Variants in IL6ST observed in about 807,000 individuals in gnomAD.
IL6ST encodes the protein interleukin-6 receptor subunit beta.
In IL6ST, 24 loss-of-function variants were observed where a neutral mutation model predicts 91.3. The ratio of observed to expected loss-of-function variants is 0.26; its 90% confidence interval spans 0.19 to 0.37. IL6ST has a LOEUF of 0.37. Ranked by LOEUF, IL6ST falls within the 10% of genes least tolerant of loss-of-function variation. The pLI is 1.00. For missense variants in IL6ST, 914 were observed against 1,078.5 expected, an observed-to-expected ratio of 0.85 and a Z score of 2.14; for synonymous variants, 351 against 373.6, an observed-to-expected ratio of 0.94 and a Z score of 0.70.
At chr5:55,950,273 A>C (rs1751543353) in intron 14 of IL6ST, 1 of 452,084 alleles carries the variant, frequency 2.2e-6, no homozygotes, top group African/African-American at 2.0e-5. Context: ...GCGGTGGCTC[A>C]TGCCTGTAAT....
At chr5:55,950,403 A>G (rs1472994976) in intron 14 of IL6ST, among the ~76,000 whole-genome samples, 1 of 151,630 alleles carries the variant, frequency 6.6e-6, no homozygotes, top group Non-Finnish European at 1.5e-5. Context: ...CAGGCATGGT[A>G]GTGGGCACCT....
intron 11 of IL6ST, among the ~76,000 whole-genome samples, chr5:55,953,576 G>A (rs1230085792): frequency 3.3e-5 from 5 of 152,204 alleles, no homozygotes; most frequent in Non-Finnish European, 5.9e-5. Context: ...AGTAGAGACG[G>A]AGTTTATCCA....
At chr5:55,977,997 TAA>T (rs879640200) in intron 2 of IL6ST, among the ~76,000 whole-genome samples, 1 of 142,410 alleles carries the variant, frequency 7.0e-6, no homozygotes, top group Non-Finnish European at 1.5e-5. Context: ...AAATTCTATT[TAA>T]AAAAAAAAAA....
chr5:55,976,291 T>C lies in IL6ST; in HGVS notation c.-13A>G. The C allele has an allele frequency of 1.3e-6, 2 of 1,567,254 alleles. No homozygotes were observed. Among genetic ancestry groups the C allele is most frequent in the Non-Finnish European group, 1.7e-6 (2 of 1,152,612 alleles). On this transcript the variant is annotated splice_region_variant and 5_prime_UTR_variant, in exon 3 of 17. Coordinates refer to ENST00000381298, the MANE Select transcript of IL6ST (RefSeq NM_002184.4). ...GCAACGTCAACATCTTGCGCGGATA[T>C]TTCTGCAACAGACACATGTAATATT...
intron 8 of IL6ST, 113 bp from the exon 9 acceptor site, chr5:55,957,404 G>A (rs1373410563): frequency 1.9e-6 from 1 of 536,730 alleles, no homozygotes; most frequent in Non-Finnish European, 3.3e-6. Context: ...ATTGCATGGT[G>A]TCTCTACCTC....
chr5:55,960,592 C>G (rs777713361), intron 7 of IL6ST, 31 bp from the exon 8 acceptor site: 2 of 1,591,578 alleles, frequency 1.3e-6, no homozygotes, highest in South Asian at 1.1e-5. Flanking sequence ...CAACAGAAAA[C>G]CTCAATTAGT....
chr5:55,980,230 T>G (rs912971644), intron 2 of IL6ST, among the ~76,000 whole-genome samples: 1 of 152,180 alleles, frequency 6.6e-6, no homozygotes, highest in Non-Finnish European at 1.5e-5. Flanking sequence ...TTAGTACTTA[T>G]GCAAAAAATA....
At chr5:55,961,396 G>T (rs1394857132) in intron 7 of IL6ST, among the ~76,000 whole-genome samples, 1 of 152,174 alleles carries the variant, frequency 6.6e-6, no homozygotes, top group Non-Finnish European at 1.5e-5. Context: ...GGGATGAGGG[G>T]AAGTACCAGA....
At chr5:55,976,557 T>C (rs1399535555) in intron 2 of IL6ST, among the ~76,000 whole-genome samples, 2 of 152,322 alleles carry the variant, frequency 1.3e-5, no homozygotes, top group South Asian at 2.1e-4. Flanking sequence ...TGAAGTCTTA[T>C]ATTAGTAAAT....
intron 14 of IL6ST, chr5:55,950,197 A>G: frequency 2.0e-6 from 1 of 492,586 alleles, no homozygotes; most frequent in African/African-American, 1.9e-5. Context: ...AAGGAAAGAG[A>G]AGATGGCTAA....
chr5:55,970,000 AATT>A (rs1448916654), intron 3 of IL6ST, 145 bp from the exon 4 acceptor site: 9 of 534,184 alleles, frequency 1.7e-5, no homozygotes, highest in Non-Finnish European at 3.0e-5. Context: ...CACAACTGAA[AATT>A]AATATGGTTA....
At position 55,952,076 on chromosome 5, in the gene IL6ST, C is replaced by A; in HGVS notation, c.1553-1G>T. 1 of 1,609,346 alleles carries A rather than the reference C, an allele frequency of 6.2e-7. No homozygotes were observed. Among genetic ancestry groups the A allele is most frequent in the Non-Finnish European group, 8.5e-7 (1 of 1,178,744 alleles). On this transcript the variant is annotated splice_acceptor_variant, in intron 12 of 16. Coordinates refer to ENST00000381298, the MANE Select transcript of IL6ST (RefSeq NM_002184.4). LOFTEE classifies it high-confidence loss of function. ...CGAACAGTAGGTCCTTTGGAAGGTG[C>A]TGTAACAGAGTGAACACATTTGCTA...
At chr5:55,961,031 C>G (rs1023716257) in intron 7 of IL6ST, among the ~76,000 whole-genome samples, 9 of 152,324 alleles carry the variant, frequency 5.9e-5, no homozygotes, top group Admixed American at 2.6e-4. Context: ...CTCCGCCTCC[C>G]AGGTTCAAGT....
intron 15 of IL6ST, among the ~76,000 whole-genome samples, chr5:55,945,771 C>T (rs917611346): frequency 4.7e-5 from 7 of 150,188 alleles, no homozygotes; most frequent in African/African-American, 1.7e-4. Flanking sequence ...CTGCCTCAGC[C>T]TCCCGAGTAG....
At chr5:55,947,343 C>G (rs1344630945) in intron 15 of IL6ST, 150 bp downstream of exon 15, 2 of 576,734 alleles carry the variant, frequency 3.5e-6, no homozygotes, top group African/African-American at 3.9e-5. Flanking sequence ...TGAAAATGTT[C>G]TATATTGTGA....
At chr5:55,957,448 C>A (rs1752059368) in intron 8 of IL6ST, among the ~76,000 whole-genome samples, 157 bp from the exon 9 acceptor site, 1 of 152,216 alleles carries the variant, frequency 6.6e-6, no homozygotes, top group South Asian at 2.1e-4. Flanking sequence ...CAGCACAAAA[C>A]ACCTGGCTCT....
intron 15 of IL6ST, among the ~76,000 whole-genome samples, chr5:55,945,431 A>T (rs183728334): frequency 6.6e-5 from 10 of 152,200 alleles, no homozygotes; most frequent in Middle Eastern, 3.4e-3. Flanking sequence ...ATGACAATGG[A>T]ATTAGACATC....
intron 2 of IL6ST, among the ~76,000 whole-genome samples, chr5:55,980,905 T>A (rs927685222): frequency 6.6e-6 from 1 of 152,176 alleles, no homozygotes; most frequent in Non-Finnish European, 1.5e-5. Context: ...TTTAAAAATT[T>A]TTCTGTAAAG....
chr5:55,947,953 G>C (rs1751377310), intron 14 of IL6ST, among the ~76,000 whole-genome samples: 2 of 152,164 alleles, frequency 1.3e-5, no homozygotes, highest in Non-Finnish European at 2.9e-5. Context: ...GTTTATCTCT[G>C]AGTTCTAATA....
Sources: allele counts gnomAD v4.1 joint callset (sites outside exome capture counted in the v4.1 genomes callset), GRCh38; gene constraint gnomAD v4.1.1; transcripts MANE v1.5; gene names NCBI Gene and HGNC (gene_info 2026-07-23, HGNC 2026-07-21).